Variants in LDLRAD4 observed in about 807,000 individuals in gnomAD.
LDLRAD4 encodes low density lipoprotein receptor class A domain containing 4.
LDLRAD4 carries 5 observed loss-of-function variants against 17.0 expected under a neutral mutation model. The ratio of observed to expected loss-of-function variants is 0.29; its 90% CI spans 0.15 to 0.62. The LOEUF (loss-of-function observed/expected upper bound fraction) is 0.62, where lower values mean the gene tolerates loss of function less well. Among genes scored for constraint, LDLRAD4 ranks in the 20% least tolerant of loss-of-function variants. The pLI is 0.84. For missense variants in LDLRAD4, 340 were observed against 424.7 expected, an observed-to-expected ratio of 0.80 and a Z score of 1.75; for synonymous variants, 168 against 171.8, an observed-to-expected ratio of 0.98 and a Z score of 0.17.
At chr18:13,518,640 C>T (rs1187998939) in intron 3 of LDLRAD4, among the ~76,000 whole-genome samples, 2 of 152,148 alleles carry the variant, frequency 1.3e-5, no homozygotes, top group African/African-American at 2.4e-5. Context: ...CTTAGAAGTA[C>T]ATCTATGGAA....
chr18:13,571,782 G>A (rs929978747), intron 3 of LDLRAD4, among the ~76,000 whole-genome samples: 8 of 151,686 alleles, frequency 5.3e-5, no homozygotes, highest in Non-Finnish European at 8.9e-5. Context: ...GACTACAGGC[G>A]CCCGCCACTA....
intron 1 of LDLRAD4, among the ~76,000 whole-genome samples, chr18:13,368,643 G>A (rs1282778629): frequency 1.3e-5 from 2 of 152,178 alleles, no homozygotes; most frequent in South Asian, 4.1e-4. Context: ...CTGCACCTGC[G>A]TCATTGAGAT....
intron 1 of LDLRAD4, among the ~76,000 whole-genome samples, chr18:13,313,824 G>A (rs928713316): frequency 3.2e-5 from 2 of 62,740 alleles, no homozygotes; most frequent in Admixed American, 1.6e-4. Flanking sequence ...AGCCGTGTGC[G>A]GGGGGGTGCC....
At chr18:13,596,697 TGAGAAC>T (rs934354788) in intron 3 of LDLRAD4, among the ~76,000 whole-genome samples, 3 of 152,210 alleles carry the variant, frequency 2.0e-5, no homozygotes, top group African/African-American at 7.2e-5. Flanking sequence ...AAAGAAGAGA[TGAGAAC>T]AAGCATCTAT....
chr18:13,545,073 G>A (rs2094341576), intron 3 of LDLRAD4, among the ~76,000 whole-genome samples: 1 of 152,132 alleles, frequency 6.6e-6, no homozygotes, highest in East Asian at 1.9e-4. Context: ...GCCTTATCCA[G>A]TGGTGCTCCC....
intron 3 of LDLRAD4, among the ~76,000 whole-genome samples, chr18:13,584,783 A>T (rs553209925): frequency 6.6e-6 from 1 of 152,316 alleles, no homozygotes; most frequent in South Asian, 2.1e-4. Flanking sequence ...CTCCTGATAC[A>T]CTGTAGAACC....
At chr18:13,487,542 T>A (rs1022401451) in intron 3 of LDLRAD4, 3 of 152,284 alleles carry the variant, frequency 2.0e-5, no homozygotes, top group Non-Finnish European at 4.4e-5. Flanking sequence ...CTCCACCTCA[T>A]GGCCAGGGTT....
At chr18:13,242,875 G>A (rs1422249577) in intron 1 of LDLRAD4, among the ~76,000 whole-genome samples, 1 of 152,238 alleles carries the variant, frequency 6.6e-6, no homozygotes, top group Non-Finnish European at 1.5e-5. Flanking sequence ...CCAGCTGTTC[G>A]ACTTGGGTTT....
Position 13,263,276 on chromosome 18 carries a change from C to G in LDLRAD4, c.-466-14829C>G, listed in dbSNP as rs142196236. Among the ~76,000 whole-genome samples, 11 of 149,772 alleles carry G rather than the reference C, an allele frequency of 7.3e-5. No homozygotes were observed. The East Asian group carries it at 1.8e-3, about 24-fold the overall frequency. On this transcript the variant is annotated intron_variant, in intron 1 of 5. Transcript: ENST00000399848. ...CGTGGAAACCGAATCCCATGCGGCT[C>G]TGTGTGTGGGGGCTGAGGCTGAGTC... is the stretch of plus-strand genomic sequence containing the variant.
At chr18:13,337,100 C>G (rs532492834) in intron 1 of LDLRAD4, among the ~76,000 whole-genome samples, 9 of 152,304 alleles carry the variant, frequency 5.9e-5, no homozygotes, top group Admixed American at 5.2e-4. Context: ...CTCTCCATCT[C>G]TGATGCACTA....
At position 13,589,442 on chromosome 18, in the gene LDLRAD4, G is replaced by A. The variant is rs2032528539; in HGVS notation, c.182-31675G>A. On this transcript the variant is annotated intron_variant, in intron 3 of 5. Coordinates refer to ENST00000359446, the Ensembl canonical transcript of LDLRAD4. ...CAAATCCTCCGTGGAGACCCAGGGAGAGACTGCAGGAGTTGCTTCTTATTT... is the reference window on the plus strand; with the variant it reads ...CAAATCCTCCGTGGAGACCCAGGGAAAGACTGCAGGAGTTGCTTCTTATTT... Among the ~76,000 whole-genome samples the A allele has an allele frequency of 2.6e-5, 4 of 152,366 alleles. No homozygotes were observed. The South Asian group carries it at 8.3e-4, about 32-fold the overall frequency.
In LDLRAD4 at chr18:13,450,951, A is replaced by G. The variant is rs1469352661; in HGVS notation, c.181+12567A>G. Among the ~76,000 whole-genome samples the G allele has an allele frequency of 2.6e-5, 4 of 152,172 alleles. No homozygotes were observed. In the East Asian group the frequency reaches 7.7e-4, roughly 29 times the overall value. On this transcript the variant is annotated intron_variant, in intron 3 of 5. Coordinates refer to ENST00000359446, the Ensembl canonical transcript of LDLRAD4. ...GGGGTCAGATTCTAGAAAGCCAGGG[A>G]TGTCAGGCCAGATCGCTTTCATTCT...
rs572389999 is a variant in LDLRAD4, at chr18:13,220,917, T to G, written c.-467+1929T>G. Among the ~76,000 whole-genome samples the G allele has an allele frequency of 2.0e-5, 3 of 152,288 alleles. No homozygotes were observed. In the South Asian group the frequency reaches 6.2e-4, roughly 32 times the overall value. The stretch of plus-strand genomic sequence containing the variant: ...GTCTCTGCATGTAGCCAGCATAAAG[T>G]CTCCTTGTGGTGGGTGGGAGGTGAC... On this transcript the variant is annotated intron_variant, in intron 1 of 5. Transcript: ENST00000399848.
rs543909398 is a variant in LDLRAD4, at chr18:13,621,632, T to C, written c.336+361T>C. 8.4e-4 allele frequency among the ~76,000 whole-genome samples: 128 copies of C among 152,240 alleles called. No individual in the cohort carries two copies. The highest frequency in any genetic ancestry group is 3.0e-3 in the African/African-American group (123 of 41,566). On this transcript the variant is annotated intron_variant, in intron 4 of 5. Transcript: ENST00000359446. The surrounding 1 kb of genome is among the most constrained non-coding windows in gnomAD (Gnocchi z 5.5). ...CTTGGCAGTGCACTTGTGAGATTCATTGTGTTGTAAAATCCTGTCCTGAGC... is the reference window on the plus strand; with the variant it reads ...CTTGGCAGTGCACTTGTGAGATTCACTGTGTTGTAAAATCCTGTCCTGAGC...
intron 1 of LDLRAD4, among the ~76,000 whole-genome samples, chr18:13,366,695 A>T (rs2144749609): frequency 6.6e-6 from 1 of 152,238 alleles, no homozygotes; most frequent in South Asian, 2.1e-4. Flanking sequence ...TGTTTCTGTG[A>T]AGTCATTCGG....
chr18:13,579,061 G>A (rs376557703), intron 3 of LDLRAD4, among the ~76,000 whole-genome samples: 4 of 151,978 alleles, frequency 2.6e-5, no homozygotes, highest in East Asian at 1.9e-4. Context: ...GTGATGGCAC[G>A]TGCCTGTAGT....
intron 1 of LDLRAD4, among the ~76,000 whole-genome samples, chr18:13,326,637 C>G (rs2081552199): frequency 6.6e-6 from 1 of 152,198 alleles, no homozygotes; most frequent in Admixed American, 6.5e-5. Flanking sequence ...TTCCAGACCC[C>G]TGAGGCTTTC....
At chr18:13,345,811 G>T (rs1296087537) in intron 1 of LDLRAD4, among the ~76,000 whole-genome samples, 1 of 152,168 alleles carries the variant, frequency 6.6e-6, no homozygotes, top group Non-Finnish European at 1.5e-5. Context: ...TCTTGGGAGG[G>T]TGTATGTGTC....
chr18:13,634,357 T>G (rs140622680), intron 4 of LDLRAD4, among the ~76,000 whole-genome samples: 1 of 152,338 alleles, frequency 6.6e-6, no homozygotes, highest in African/African-American at 2.4e-5. Flanking sequence ...TCAGAACTAA[T>G]GAATTTGGCA....
Sources: allele counts gnomAD v4.1 joint callset (sites outside exome capture counted in the v4.1 genomes callset), GRCh38; gene constraint gnomAD v4.1.1; non-coding constraint Gnocchi (gnomAD v3.1); transcripts MANE v1.5; gene names NCBI Gene and HGNC (gene_info 2026-07-23, HGNC 2026-07-21).